Variants in IFT74 observed in about 807,000 individuals in gnomAD.
IFT74 encodes the protein intraflagellar transport protein 74 homolog.
A neutral mutation model predicts 96.7 loss-of-function variants in IFT74; 92 were observed. The ratio of observed to expected loss-of-function variants is 0.95; its 90% CI spans 0.80 to 1.13. The LOEUF is 1.13. Among genes scored for constraint, IFT74 ranks in the 50% most tolerant of loss-of-function variants. The probability of loss-of-function intolerance (pLI) is 0.00; values close to 1 mark genes in which losing one functional copy is unlikely to be tolerated. For synonymous variants in IFT74, 223 were observed against 213.2 expected (o/e 1.05, Z -0.40); for missense variants, 811 against 698.2 (o/e 1.16, Z -1.82).
At chr9:27,007,266 T>C (rs532859578) in intron 8 of IFT74, among the ~76,000 whole-genome samples, 16 of 152,312 alleles carry the variant, frequency 1.1e-4, no homozygotes, top group African/African-American at 3.6e-4. Flanking sequence ...CAGTTACTTT[T>C]CTTATGCTGT....
chr9:27,058,331 C>T (rs897079140), intron 18 of IFT74, among the ~76,000 whole-genome samples: 3 of 152,172 alleles, frequency 2.0e-5, no homozygotes, highest in African/African-American at 7.2e-5. Context: ...TCAAACTGTC[C>T]TCCTGCCTCA....
chr9:27,045,048 A>T (rs992900522), intron 14 of IFT74, among the ~76,000 whole-genome samples: 1 of 152,212 alleles, frequency 6.6e-6, no homozygotes, highest in Non-Finnish European at 1.5e-5. Flanking sequence ...CGTAGTCTGT[A>T]CAGAGGAAAC....
At chr9:26,968,344 C>G (rs913078750) in intron 2 of IFT74, among the ~76,000 whole-genome samples, 1 of 151,872 alleles carries the variant, frequency 6.6e-6, no homozygotes, top group African/African-American at 2.4e-5. Flanking sequence ...TCACTACAAC[C>G]TCTGCCTCCC....
At chr9:26,954,020 A>C (rs1310006807), upstream of IFT74, among the ~76,000 whole-genome samples, 1 of 152,122 alleles carries the variant, frequency 6.6e-6, no homozygotes, top group Admixed American at 6.6e-5. Flanking sequence ...TCTCCCTTTA[A>C]AACATCCAAT....
At position 27,062,708 on chromosome 9, in the gene IFT74, A is replaced by T. The variant is rs372962980; in HGVS notation, c.1775A>T (p.Asp592Val). 5.6e-6 allele frequency: 9 copies of T among 1,601,562 alleles called. No individual in the cohort carries two copies. In the South Asian group the frequency reaches 1.0e-4, roughly 18 times the overall value. Residue 592 changes from aspartate (D) to valine (V), a missense_variant, in exon 20 of 20, where the codon GAT becomes GTT. Asp to Val is a radical substitution (Grantham distance 152). Transcript: ENST00000380062. ...GCAGAGTACAATAAAACCATCGTGG[A>T]TGCTTTACATAGCACCAGCGGAAAC... ...QIAEYNKTIV[D>V]ALHSTSGN
At position 27,041,891 on chromosome 9, in the gene IFT74, G is replaced by A. The variant is rs139837291; in HGVS notation, c.1055-2851G>A. Among the ~76,000 whole-genome samples the A allele has an allele frequency of 2.1e-4, 32 of 152,202 alleles. No individual in the cohort carries two copies. The East Asian group carries it at 6.0e-3, about 29-fold the overall frequency. On this transcript the variant is annotated intron_variant, in intron 13 of 19. Coordinates refer to ENST00000380062, the MANE Select transcript of IFT74 (RefSeq NM_025103.4). ...TTGGAGGAAGTTTTATGAAGCTTGG[G>A]AATCTGCTGAGATGTGTAGGAGCTC...
intron 10 of IFT74, among the ~76,000 whole-genome samples, chr9:27,014,620 A>AG (rs1563975869): frequency 6.6e-6 from 1 of 151,884 alleles, no homozygotes; most frequent in Non-Finnish European, 1.5e-5. Flanking sequence ...AAAAAAAAAA[A>AG]TTTTTTTGAG....
chr9:27,040,705 C>A (rs1028780173), intron 13 of IFT74, among the ~76,000 whole-genome samples: 1 of 152,046 alleles, frequency 6.6e-6, no homozygotes, highest in East Asian at 1.9e-4. Flanking sequence ...CTTTCAACTC[C>A]AAAATCAGTA....
At chr9:26,963,024 T>G (rs913002769) in intron 2 of IFT74, among the ~76,000 whole-genome samples, 1 of 151,898 alleles carries the variant, frequency 6.6e-6, no homozygotes, top group African/African-American at 2.4e-5. Context: ...TAGTTACATA[T>G]GTATACATGT....
intron 12 of IFT74, among the ~76,000 whole-genome samples, 200 bp downstream of exon 12, chr9:27,018,887 A>G (rs1829473797): frequency 1.3e-5 from 2 of 152,192 alleles, no homozygotes; most frequent in Admixed American, 1.3e-4. Context: ...TAATAGACAT[A>G]TTTAATGTAA....
chr9:26,958,514 C>G (rs1287462573), intron 1 of IFT74, among the ~76,000 whole-genome samples: 1 of 152,076 alleles, frequency 6.6e-6, no homozygotes, highest in Non-Finnish European at 1.5e-5. Context: ...CACTTAGGAA[C>G]AAAATCAGTA....
intron 13 of IFT74, among the ~76,000 whole-genome samples, chr9:27,041,566 T>A (rs541910638): frequency 1.3e-5 from 2 of 152,324 alleles, no homozygotes; most frequent in South Asian, 4.1e-4. Flanking sequence ...GTTGTGTCCC[T>A]TTCCCTCTCC....
chr9:27,002,708 G>A (rs1207553483), intron 8 of IFT74, among the ~76,000 whole-genome samples: 1 of 152,148 alleles, frequency 6.6e-6, no homozygotes, highest in African/African-American at 2.4e-5. Flanking sequence ...AGAAAATTTT[G>A]AAGTCAGGTA....
chr9:26,975,166 C>T (rs571242568), intron 2 of IFT74, among the ~76,000 whole-genome samples: 5 of 152,142 alleles, frequency 3.3e-5, no homozygotes, highest in African/African-American at 1.2e-4. Context: ...GGGTCAGGGG[C>T]ACTGAGCAGA....
At chr9:27,020,244 T>C (rs2225720) in intron 12 of IFT74, among the ~76,000 whole-genome samples, 47,129 of 152,064 alleles carry the variant, frequency 0.31, 8,477 homozygotes, top group East Asian at 0.71. Flanking sequence ...ATGTTTTTGT[T>C]GCTGATTACA....
At chr9:27,013,657 T>A (rs1465590467) in intron 10 of IFT74, among the ~76,000 whole-genome samples, 6 of 152,310 alleles carry the variant, frequency 3.9e-5, no homozygotes, top group African/African-American at 1.4e-4. Context: ...TAAAGTTGAG[T>A]ATCTATTTAT....
chr9:27,016,470 G>A (rs906617847), intron 10 of IFT74, among the ~76,000 whole-genome samples: 5 of 152,136 alleles, frequency 3.3e-5, no homozygotes, highest in African/African-American at 1.2e-4. Flanking sequence ...TTTTTGAGCA[G>A]ACACAATTCA....
chr9:27,029,109 G>A lies in IFT74; in HGVS notation c.1054+5G>A. 1 of 1,589,830 alleles carries A rather than the reference G, an allele frequency of 6.3e-7. No individual in the cohort carries two copies. The highest frequency in any genetic ancestry group is 8.6e-7 in the Non-Finnish European group (1 of 1,166,342). ...TGGATTTAGAGGAACACCAAGGTAT[G>A]CTTCTGGTATTTTTATAATGTAGAT... On this transcript the variant is annotated splice_donor_5th_base_variant and intron_variant, in intron 13 of 19. Transcript: ENST00000380062.
At chr9:26,952,291 T>TTG (rs1825959609), upstream of IFT74, among the ~76,000 whole-genome samples, 2 of 151,856 alleles carry the variant, frequency 1.3e-5, no homozygotes, top group South Asian at 4.1e-4. Context: ...TTTTTTTTTT[T>TTG]TTTGAGACGA....
Sources: allele counts gnomAD v4.1 joint callset (sites outside exome capture counted in the v4.1 genomes callset), GRCh38; gene constraint gnomAD v4.1.1; transcripts MANE v1.5; gene names NCBI Gene and HGNC (gene_info 2026-07-23, HGNC 2026-07-21).